Variants in NFS1 observed in about 807,000 individuals in gnomAD.
The protein encoded by NFS1 is cysteine desulfurase.
A neutral mutation model predicts 57.3 loss-of-function variants in NFS1; 26 were observed. The observed-to-expected ratio is 0.45, with a 90% confidence interval of 0.33 to 0.63. The LOEUF (loss-of-function observed/expected upper bound fraction) is 0.63. Among genes scored for constraint, NFS1 ranks in the 20% least tolerant of loss-of-function variants. The pLI is 0.02. For missense variants in NFS1, 505 were observed against 605.8 expected (o/e 0.83, Z 1.75); for synonymous variants, 209 against 216.3 (o/e 0.97, Z 0.30).
intron 4 of NFS1, among the ~76,000 whole-genome samples, chr20:35,693,303 G>T (rs995583195): frequency 6.6e-6 from 1 of 151,818 alleles, no homozygotes; most frequent in South Asian, 2.1e-4. Flanking sequence ...TCACCATTTT[G>T]CCCAGGATGG....
chr20:35,681,900 T>G lies in NFS1; in HGVS notation c.643A>C (p.Ile215Leu). ...VNNEIGVKQP[I>L]AEIGRICSSR... is the part of the protein sequence containing the mutation. ...CCATGATACTCACCTATTTCTGCAATAGGCTGCTTCACTCCAATCTCATTG... is the reference window on the plus strand; with the variant it reads ...CCATGATACTCACCTATTTCTGCAAGAGGCTGCTTCACTCCAATCTCATTG... The change falls in exon 6 of 13, where the codon ATT (isoleucine) becomes CTT (leucine). Residue 215 changes from isoleucine to leucine, a missense_variant. Coordinates refer to ENST00000374092, the MANE Select transcript of NFS1 (RefSeq NM_021100.5). 2 of 1,608,050 alleles carry G rather than the reference T, an allele frequency of 1.2e-6. No individual in the cohort carries two copies. Among genetic ancestry groups the G allele is most frequent in the Non-Finnish European group, 1.7e-6 (2 of 1,174,596 alleles).
In NFS1 at chr20:35,673,714, TTCA is replaced by T. The variant is rs2034695063; in HGVS notation, c.1137-33_1137-31del. On this transcript the variant is annotated intron_variant, in intron 10 of 12. Transcript: ENST00000374092. ...GGAGAGAGACACGAACCTTGTTCAG[TTCA>T]TCATCAACGTCTACTTTTAGTCACA... 5 of 1,566,496 alleles carry T rather than the reference TTCA, an allele frequency of 3.2e-6. No individual in the cohort carries two copies. In the South Asian group the frequency reaches 3.3e-5, roughly 10 times the overall value.
chr20:35,691,339 G>A (rs1242570577), intron 4 of NFS1, among the ~76,000 whole-genome samples: 1 of 151,676 alleles, frequency 6.6e-6, no homozygotes, highest in Non-Finnish European at 1.5e-5. Context: ...AACAAGTCAT[G>A]AGTAGGTATT....
intron 4 of NFS1, among the ~76,000 whole-genome samples, chr20:35,691,560 G>C (rs957637831): frequency 6.0e-5 from 9 of 151,124 alleles, no homozygotes; most frequent in Admixed American, 2.0e-4. Flanking sequence ...GGCCAACATG[G>C]GGAAACCCCA....
At chr20:35,683,489 T>G (rs924555811) in intron 5 of NFS1, among the ~76,000 whole-genome samples, 1 of 121,770 alleles carries the variant, frequency 8.2e-6, no homozygotes, top group Non-Finnish European at 1.7e-5. Context: ...CTCAAAAAAA[T>G]TTAAAAAAAG....
chr20:35,693,941 G>A (rs994813457), intron 4 of NFS1, among the ~76,000 whole-genome samples: 2 of 151,858 alleles, frequency 1.3e-5, no homozygotes, highest in South Asian at 4.2e-4. Flanking sequence ...CAGCCTGGGC[G>A]ACAGAGCCAG....
In NFS1 at chr20:35,680,634, A is replaced by C. The variant is rs1372586492; in HGVS notation, c.790+103T>G. 3.8e-6 allele frequency: 4 copies of C among 1,052,652 alleles called. No individual in the cohort carries two copies. The African/African-American group carries it at 5.0e-5, about 13-fold the overall frequency. 65.2% of individuals were successfully genotyped at this position (1,052,652 alleles called of 1,614,324 possible). ...TTCTACAAGGGACTCTGAATGTACAACTTCCTCTGAGAGCAACAGTAGTCC... is the reference window on the plus strand; with the variant it reads ...TTCTACAAGGGACTCTGAATGTACACCTTCCTCTGAGAGCAACAGTAGTCC... On this transcript the variant is annotated intron_variant, in intron 7 of 12. Transcript: ENST00000374092.
At chr20:35,690,644 A>C (rs2035026629) in intron 4 of NFS1, 79 bp from the exon 5 acceptor site, 4 of 1,452,420 alleles carry the variant, frequency 2.8e-6, no homozygotes, top group Admixed American at 1.8e-5. Context: ...TGTAAAGGAA[A>C]AGTGGGCAAG....
rs1473549782 is a variant in NFS1, at chr20:35,669,688, G to A, written c.1311-3C>T. The A allele has an allele frequency of 1.9e-6, 3 of 1,613,892 alleles. No individual in the cohort carries two copies. In the South Asian group the frequency reaches 3.3e-5, roughly 18 times the overall value. On this transcript the variant is annotated splice_region_variant and splice_polypyrimidine_tract_variant and intron_variant, in intron 12 of 12. Transcript: ENST00000374092. The stretch of plus-strand genomic sequence containing the variant: ...CCTGAACCATCTCCCAGAGAGGGCT[G>A]CCAAAGAGAAGAGGCATTAAATGAG...
At chr20:35,689,767 T>G (rs2035010006) in intron 5 of NFS1, among the ~76,000 whole-genome samples, 1 of 143,374 alleles carries the variant, frequency 7.0e-6, no homozygotes, top group Non-Finnish European at 1.5e-5. Flanking sequence ...AGACTCTGTT[T>G]TAAAAAAAAA....
intron 7 of NFS1, among the ~76,000 whole-genome samples, chr20:35,676,758 GAAAAA>G (rs746820595): frequency 5.1e-3 from 92 of 18,128 alleles, no homozygotes; most frequent in Non-Finnish European, 7.7e-3. Context: ...GAGAAAATCA[GAAAAA>G]AAAAAAAAAA....
chr20:35,672,658 G>C, intron 12 of NFS1, 97 bp downstream of exon 12: 1 of 802,800 alleles, frequency 1.2e-6, no homozygotes, highest in Non-Finnish European at 2.2e-6. Context: ...AAGTACGCTT[G>C]AACTTTGGTT....
intron 3 of NFS1, 113 bp from the exon 4 acceptor site, chr20:35,696,573 T>G (rs1203379940): frequency 1.4e-6 from 1 of 728,418 alleles, no homozygotes; most frequent in African/African-American, 1.7e-5. Flanking sequence ...TTCCACCAAA[T>G]TGCCCTGGAT....
intron 12 of NFS1, among the ~76,000 whole-genome samples, chr20:35,671,299 C>T (rs796236633): frequency 5.3e-5 from 8 of 152,270 alleles, no homozygotes; most frequent in African/African-American, 1.9e-4. Context: ...GACGGGGTTT[C>T]ATTGTGTTAG....
At chr20:35,692,591 C>CCAGCTA (rs1260459744) in intron 4 of NFS1, among the ~76,000 whole-genome samples, 19 of 149,534 alleles carry the variant, frequency 1.3e-4, no homozygotes, top group African/African-American at 4.4e-4. Flanking sequence ...ATCTGTAGTC[C>CCAGCTA]CAGCTACTCA....
At chr20:35,692,959 G>A (rs975266528) in intron 4 of NFS1, among the ~76,000 whole-genome samples, 1 of 151,666 alleles carries the variant, frequency 6.6e-6, no homozygotes, top group Non-Finnish European at 1.5e-5. Context: ...CCAAGATTAC[G>A]GCACTGCACT....
chr20:35,686,020 C>G (rs1270049334), intron 5 of NFS1, among the ~76,000 whole-genome samples: 2 of 150,356 alleles, frequency 1.3e-5, no homozygotes, highest in Admixed American at 1.3e-4. Context: ...ACCTCCGCCT[C>G]CTGGGTTCAA....
At chr20:35,675,861 ACT>A (rs1020209981) in intron 7 of NFS1, 4 of 134,884 alleles carry the variant, frequency 3.0e-5, no homozygotes, top group African/African-American at 8.7e-5. Flanking sequence ...ATGGAGCAAG[ACT>A]CTGTCTCCCA....
intron 7 of NFS1, among the ~76,000 whole-genome samples, chr20:35,679,807 A>G (rs1330859006): frequency 6.6e-6 from 1 of 152,146 alleles, no homozygotes; most frequent in Non-Finnish European, 1.5e-5. Flanking sequence ...AACCCAAAAA[A>G]GGCCCTCACT....
Sources: gnomAD v4.1 joint callset for allele counts (sites outside exome capture counted in the v4.1 genomes callset) on GRCh38, gnomAD v4.1.1 for gene constraint, MANE v1.5 for transcripts, NCBI Gene and HGNC (gene_info 2026-07-23, HGNC 2026-07-21) for gene names.